Variants in EHBP1 observed in about 807,000 individuals in gnomAD.
EHBP1 encodes the protein EH domain binding protein 1.
A neutral mutation model predicts 144.0 loss-of-function variants in EHBP1; 55 were observed. That is an observed-to-expected ratio of 0.38 (90% CI 0.31 to 0.48). The LOEUF is 0.48. EHBP1 is among the 20% of genes least tolerant of loss of function. The probability of loss-of-function intolerance (pLI) is 0.98; values close to 1 mark genes in which losing one functional copy is unlikely to be tolerated. For synonymous variants in EHBP1, 469 were observed against 472.7 expected, an observed-to-expected ratio of 0.99 and a Z score of 0.10; for missense variants, 1,200 against 1,364.2, an observed-to-expected ratio of 0.88 and a Z score of 1.90.
intron 5 of EHBP1, among the ~76,000 whole-genome samples, chr2:62,806,723 AT>A (rs893431148): frequency 1.9e-4 from 28 of 148,002 alleles, no homozygotes; most frequent in Admixed American, 3.4e-4. Context: ...TTAATTGTTA[AT>A]TTTTTTTTTT....
chr2:62,781,267 T>C (rs770591140), intron 5 of EHBP1, among the ~76,000 whole-genome samples: 12 of 152,208 alleles, frequency 7.9e-5, no homozygotes, highest in Admixed American at 2.6e-4. Flanking sequence ...GTAAAGTTTT[T>C]ACAATCCTTT....
chr2:63,040,557 A>C (rs1319670922), intron 21 of EHBP1, among the ~76,000 whole-genome samples: 1 of 152,140 alleles, frequency 6.6e-6, no homozygotes, highest in Non-Finnish European at 1.5e-5. Flanking sequence ...AAAGGGGAAA[A>C]ATATTTTTCT....
intron 5 of EHBP1, among the ~76,000 whole-genome samples, chr2:62,790,574 T>A (rs1415845460): frequency 6.6e-6 from 1 of 152,208 alleles, no homozygotes; most frequent in Non-Finnish European, 1.5e-5. Context: ...TCTACTCCTA[T>A]AAACACTTGT....
intron 1 of EHBP1, among the ~76,000 whole-genome samples, chr2:62,684,477 A>G (rs1475498965): frequency 1.3e-5 from 2 of 152,230 alleles, no homozygotes; most frequent in African/African-American, 4.8e-5. Context: ...CCAAAGTGGG[A>G]AAAACAAGGG....
At chr2:62,869,626 A>C (rs1202090948) in intron 9 of EHBP1, among the ~76,000 whole-genome samples, 1 of 152,202 alleles carries the variant, frequency 6.6e-6, no homozygotes, top group African/African-American at 2.4e-5. Flanking sequence ...TCAGAGCTGG[A>C]GGGAGGAAGA....
At chr2:63,021,312 TTTG>T (rs1280794203) in intron 19 of EHBP1, among the ~76,000 whole-genome samples, 2 of 152,060 alleles carry the variant, frequency 1.3e-5, no homozygotes, top group African/African-American at 2.4e-5. Context: ...GAGAATTATT[TTTG>T]TTGTTATTGT....
At chr2:62,769,467 A>G (rs573427168) in intron 4 of EHBP1, among the ~76,000 whole-genome samples, 11 of 152,220 alleles carry the variant, frequency 7.2e-5, no homozygotes, top group East Asian at 1.9e-4. Flanking sequence ...TGAAAGATCT[A>G]TATGATGAAA....
chr2:62,963,754 A>G (rs961562467), intron 14 of EHBP1, among the ~76,000 whole-genome samples: 2 of 152,226 alleles, frequency 1.3e-5, no homozygotes, highest in Non-Finnish European at 2.9e-5. Flanking sequence ...GTTTTTAGTT[A>G]AAAAATCTAA....
At chr2:62,932,720 G>C (rs957568721) in intron 10 of EHBP1, among the ~76,000 whole-genome samples, 1 of 152,080 alleles carries the variant, frequency 6.6e-6, no homozygotes, top group Non-Finnish European at 1.5e-5. Context: ...TTGGGAGGCC[G>C]AGGAGGGCGG....
intron 10 of EHBP1, among the ~76,000 whole-genome samples, chr2:62,876,088 A>G (rs933396795): frequency 2.6e-5 from 4 of 152,244 alleles, no homozygotes; most frequent in Non-Finnish European, 5.9e-5. Context: ...AAATTTCCCC[A>G]TCCTTGCTAG....
rs150929681 is a variant in EHBP1, at chr2:62,948,840, T to C, written c.1994T>C (p.Leu665Ser). Residue 665 changes from leucine to serine, a missense_variant, in exon 13 of 23, where the codon TTA becomes TCA. Coordinates refer to ENST00000431489, the MANE Select transcript of EHBP1 (RefSeq NM_001142616.3). ...LKAETLELSD[L>S]YVSDKKKDMS... ...GCTGAGACTTTAGAATTGAGTGACT[T>C]ATATGTTAGTGATAAGAAGAAGGAT... 6.2e-7 allele frequency: 1 copy of C among 1,614,118 alleles called. No individual in the cohort carries two copies. Among genetic ancestry groups the C allele is most frequent in the Non-Finnish European group, 8.5e-7 (1 of 1,179,988 alleles).
intron 5 of EHBP1, among the ~76,000 whole-genome samples, chr2:62,779,630 T>C (rs2042289646): frequency 6.6e-6 from 1 of 152,196 alleles, no homozygotes; most frequent in Non-Finnish European, 1.5e-5. Context: ...GGTATAAACT[T>C]CTCAACCATG....
chr2:62,800,012 A>C (rs1219465035), intron 5 of EHBP1, among the ~76,000 whole-genome samples: 2 of 152,224 alleles, frequency 1.3e-5, no homozygotes, highest in East Asian at 3.8e-4. Context: ...CTGTTTCGTC[A>C]CCTAAAGGTG....
Position 62,745,870 on chromosome 2 carries a change from A to G in EHBP1, c.105-1525A>G, listed in dbSNP as rs1573088108. ...AATAAAATAGAATACTCTTTCAGTC[A>G]AGTAAACCTGTAAAATTCAACCTGC... On this transcript the variant is annotated intron_variant, in intron 2 of 22. Transcript: ENST00000431489. 2.0e-5 allele frequency among the ~76,000 whole-genome samples: 3 copies of G among 152,270 alleles called. No individual in the cohort carries two copies. In the South Asian group the frequency reaches 6.2e-4, roughly 32 times the overall value.
intron 1 of EHBP1, among the ~76,000 whole-genome samples, chr2:62,683,550 T>C (rs1192132931): frequency 1.3e-5 from 2 of 149,912 alleles, no homozygotes; most frequent in Non-Finnish European, 3.0e-5. Context: ...TCTCAGCTAC[T>C]TGGGAGGCTG....
chr2:63,043,917 G>GTTTTTTTTTTTTTTTTT (rs1559110359), intron 21 of EHBP1: 1 of 36,166 alleles, frequency 2.8e-5, no homozygotes, highest in African/African-American at 1.4e-4. Flanking sequence ...AGTGGCCATG[G>GTTTTTTTTTTTTTTTTT]TTCTTTTTTT....
intron 10 of EHBP1, among the ~76,000 whole-genome samples, chr2:62,937,403 G>C (rs1286585628): frequency 6.6e-6 from 1 of 152,088 alleles, no homozygotes; most frequent in Non-Finnish European, 1.5e-5. Flanking sequence ...TCTGTGTAAA[G>C]GTCTTAACTT....
chr2:62,907,278 A>G (rs889385678), intron 10 of EHBP1, among the ~76,000 whole-genome samples: 1 of 152,202 alleles, frequency 6.6e-6, no homozygotes, highest in Non-Finnish European at 1.5e-5. Context: ...ATCCAGATTC[A>G]CTACATCCTC....
intron 8 of EHBP1, among the ~76,000 whole-genome samples, chr2:62,860,686 A>C (rs1395345996): frequency 6.6e-6 from 1 of 152,206 alleles, no homozygotes; most frequent in Non-Finnish European, 1.5e-5. Context: ...ACAATTAAGT[A>C]TACTGAGTTC....
Sources: allele counts gnomAD v4.1 joint callset (sites outside exome capture counted in the v4.1 genomes callset), GRCh38; gene constraint gnomAD v4.1.1; transcripts MANE v1.5; gene names NCBI Gene and HGNC (gene_info 2026-07-23, HGNC 2026-07-21).